AIG1: variants seen among roughly 807,000 people sequenced by gnomAD.
AIG1 encodes androgen-induced gene 1 protein.
In AIG1, 23 loss-of-function variants were observed where a neutral mutation model predicts 31.4. The ratio of observed to expected loss-of-function variants is 0.73; its 90% CI spans 0.53 to 1.04. AIG1 has a LOEUF of 1.04. AIG1 is among the 50% of genes least tolerant of loss of function. The pLI is 0.00. For synonymous variants in AIG1, 100 were observed against 110.5 expected (o/e 0.90, Z 0.60); for missense variants, 274 against 295.0 (o/e 0.93, Z 0.52).
chr6:143,286,740 T>G (rs1048618019), intron 4 of AIG1, among the ~76,000 whole-genome samples: 1 of 152,190 alleles, frequency 6.6e-6, no homozygotes, highest in Non-Finnish European at 1.5e-5. Context: ...ATAGATGGCC[T>G]GTGCAATACT....
At chr6:143,290,951 G>C (rs1015303035) in intron 4 of AIG1, among the ~76,000 whole-genome samples, 2 of 152,124 alleles carry the variant, frequency 1.3e-5, no homozygotes, top group African/African-American at 4.8e-5. Context: ...TCCCAAGATG[G>C]GGAAGAGGGA....
intron 3 of AIG1, among the ~76,000 whole-genome samples, chr6:143,283,127 G>A (rs1797458904): frequency 6.6e-6 from 1 of 152,126 alleles, no homozygotes; most frequent in Non-Finnish European, 1.5e-5. Flanking sequence ...CCTTTTATCT[G>A]TCCACTAAAT....
intron 4 of AIG1, among the ~76,000 whole-genome samples, chr6:143,312,371 A>G (rs1775360792): frequency 6.6e-6 from 1 of 152,112 alleles, no homozygotes; most frequent in Non-Finnish European, 1.5e-5. Flanking sequence ...ACACAGATCA[A>G]TGAAACAGAA....
chr6:143,084,993 C>T (rs757568677), intron 1 of AIG1, among the ~76,000 whole-genome samples: 7 of 152,300 alleles, frequency 4.6e-5, no homozygotes, highest in Admixed American at 6.5e-5. Context: ...GCTGCAGTTA[C>T]GGTGGCACTT....
At chr6:143,060,720 C>T (rs1191784668), upstream of AIG1, 13 of 432,250 alleles carry the variant, frequency 3.0e-5, no homozygotes, top group Non-Finnish European at 6.2e-5. Context: ...GTCCGCAAAC[C>T]GCGCCCGGCC....
intron 3 of AIG1, among the ~76,000 whole-genome samples, chr6:143,206,320 CT>C (rs1791104074): frequency 1.3e-5 from 2 of 152,170 alleles, no homozygotes; most frequent in African/African-American, 4.8e-5. Context: ...AGTTCTTAAT[CT>C]TTAACCATTA....
At chr6:143,187,402 T>G in intron 3 of AIG1, 4 of 1,535,620 alleles carry the variant, frequency 2.6e-6, no homozygotes, top group Non-Finnish European at 3.5e-6. Context: ...AGCAACTAGA[T>G]TCCACCACTT....
intron 3 of AIG1, among the ~76,000 whole-genome samples, chr6:143,176,099 G>T (rs138813709): frequency 9.3e-4 from 141 of 152,290 alleles, no homozygotes; most frequent in African/African-American, 3.1e-3. Flanking sequence ...CCACCCAGTG[G>T]AGCTGCCAGG....
chr6:143,155,013 AT>A (rs61017846), intron 2 of AIG1, among the ~76,000 whole-genome samples: 28,750 of 123,812 alleles, frequency 0.23, 2,633 homozygotes, highest in East Asian at 0.41. Context: ...ACATCTGGCT[AT>A]TTTTTTTTTT....
chr6:143,076,979 T>A (rs1562349755), intron 1 of AIG1, among the ~76,000 whole-genome samples: 1 of 152,192 alleles, frequency 6.6e-6, no homozygotes. Context: ...CCTTGAATAT[T>A]TTTTAATATT....
intron 3 of AIG1, among the ~76,000 whole-genome samples, chr6:143,281,792 G>C (rs185894557): frequency 6.6e-6 from 1 of 152,152 alleles, no homozygotes; most frequent in East Asian, 1.9e-4. Context: ...CAAATGATAA[G>C]CTGTTATGAC....
chr6:143,068,398 C>A (rs763994815), intron 1 of AIG1, among the ~76,000 whole-genome samples: 8 of 152,190 alleles, frequency 5.3e-5, no homozygotes, highest in Non-Finnish European at 1.2e-4. Context: ...GTTAAAGGGC[C>A]CATGCCTCAC....
At chr6:143,215,156 T>C (rs1403262146) in intron 3 of AIG1, among the ~76,000 whole-genome samples, 1 of 151,974 alleles carries the variant, frequency 6.6e-6, no homozygotes, top group Non-Finnish European at 1.5e-5. Context: ...TGATTCATAA[T>C]TGGCTAATAT....
Position 143,284,041 on chromosome 6 carries a change from C to T in AIG1, c.400-69C>T. 1 of 1,144,704 alleles carries T rather than the reference C, an allele frequency of 8.7e-7. No homozygotes were observed. The highest frequency in any genetic ancestry group is 1.9e-5 in the Admixed American group (1 of 52,150). 70.9% of individuals were successfully genotyped at this position (1,144,704 alleles called of 1,614,324 possible). On this transcript the variant is annotated intron_variant, in intron 3 of 5. Transcript: ENST00000357847. The surrounding 1 kb of genome is among the most constrained non-coding windows in gnomAD (Gnocchi z 4.4). Reference sequence around the variant, plus strand: ...GGAATTTATAGTGTGCATTCTCCTACTGGTGAAAAAACAACTATAGAGAGA... The same window carrying T: ...GGAATTTATAGTGTGCATTCTCCTATTGGTGAAAAAACAACTATAGAGAGA...
chr6:143,276,678 A>G (rs1201904360), intron 3 of AIG1, among the ~76,000 whole-genome samples: 1 of 151,836 alleles, frequency 6.6e-6, no homozygotes, highest in Non-Finnish European at 1.5e-5. Context: ...AGTGGCTGAG[A>G]CTGGCAGTTC....
rs996083745 is a variant in AIG1, at chr6:143,137,057, A to G, written c.297+67A>G. Reference sequence around the variant, plus strand: ...GGCTCTTATTTCAGACTTCTAAGAGAAAAAAAAAGAGTTCATTATAAGAGG... The same window carrying G: ...GGCTCTTATTTCAGACTTCTAAGAGGAAAAAAAAGAGTTCATTATAAGAGG... On this transcript the variant is annotated intron_variant, in intron 2 of 5. Transcript: ENST00000357847. 8 of 1,288,718 alleles carry G rather than the reference A, an allele frequency of 6.2e-6. No individual in the cohort carries two copies. The African/African-American group carries it at 9.1e-5, about 15-fold the overall frequency. The allele number at this position is 1,288,718 out of a possible 1,614,324, so 79.8% of individuals were successfully genotyped here.
At chr6:143,231,329 G>A (rs781474840) in intron 3 of AIG1, among the ~76,000 whole-genome samples, 18 of 152,188 alleles carry the variant, frequency 1.2e-4, no homozygotes, top group Non-Finnish European at 2.1e-4. Flanking sequence ...TTTCCTTCAA[G>A]ATAGTGAAGG....
At chr6:143,100,977 G>A (rs1273624009) in intron 1 of AIG1, among the ~76,000 whole-genome samples, 1 of 152,108 alleles carries the variant, frequency 6.6e-6, no homozygotes, top group Non-Finnish European at 1.5e-5. Context: ...GAGCCACCGT[G>A]CCCAGCCTAT....
rs534925039 is a variant in AIG1 at position 143,092,503 on chromosome 6, G to A, written c.141+31437G>A. 6.6e-5 allele frequency among the ~76,000 whole-genome samples: 10 copies of A among 152,228 alleles called. No individual in the cohort carries two copies. In the South Asian group the frequency reaches 2.1e-3, roughly 32 times the overall value. On this transcript the variant is annotated intron_variant, in intron 1 of 5. Coordinates refer to ENST00000357847, the MANE Select transcript of AIG1 (RefSeq NM_016108.4). ...GAATGGGTGTTGTGTCAGAAGGCAT[G>A]AAAACATTAATTTTCCTTTACATCT...
Sources: gnomAD v4.1 joint callset for allele counts (sites outside exome capture counted in the v4.1 genomes callset) on GRCh38, gnomAD v4.1.1 for gene constraint, Gnocchi (gnomAD v3.1) non-coding constraint, MANE v1.5 for transcripts, NCBI Gene and HGNC (gene_info 2026-07-23, HGNC 2026-07-21) for gene names.